Variants in CERS3 observed in about 807,000 individuals in gnomAD.
CERS3 encodes the protein ceramide synthase 3.
CERS3 carries 33 observed loss-of-function variants against 50.3 expected under a neutral mutation model. The ratio of observed to expected loss-of-function variants is 0.66; its 90% confidence interval spans 0.50 to 0.88. The LOEUF (loss-of-function observed/expected upper bound fraction) is 0.88. CERS3 is among the 40% of genes least tolerant of loss of function. The pLI, the probability that CERS3 is intolerant of heterozygous loss-of-function variation, is 0.00. For synonymous variants in CERS3, 176 were observed against 155.2 expected (o/e 1.13, Z -0.99); for missense variants, 470 against 460.3 (o/e 1.02, Z -0.19).
At position 100,431,987 on chromosome 15, in the gene CERS3, T is replaced by C. The variant is rs79811733; in HGVS notation, c.999+23906A>G. On this transcript the variant is annotated intron_variant, in intron 11 of 11. Coordinates refer to ENST00000679737, the MANE Select transcript of CERS3 (RefSeq NM_001378789.1). ...GGCTTAAGTATAATTACAATCCTCC[T>C]CTGATTCAAACAAAATAATTAGGAC... 5.5e-3 allele frequency among the ~76,000 whole-genome samples: 839 copies of C among 152,274 alleles called. 11 individuals carry two copies. Among genetic ancestry groups the C allele is most frequent in the African/African-American group, 0.019 (802 of 41,554 alleles).
intron 3 of CERS3, among the ~76,000 whole-genome samples, chr15:100,499,096 TG>T (rs2142322105): frequency 6.6e-6 from 1 of 152,312 alleles, no homozygotes; most frequent in South Asian, 2.1e-4. Flanking sequence ...CATGACCTTA[TG>T]TTGCTGGGGT....
chr15:100,406,805 T>C (rs914751677), intron 11 of CERS3, among the ~76,000 whole-genome samples: 1 of 152,108 alleles, frequency 6.6e-6, no homozygotes. Context: ...ACGCTGCTGA[T>C]AAAGACATAC....
Position 100,472,993 on chromosome 15 carries a change from C to A in CERS3, c.669G>T (p.Trp223Cys). 1 of 1,613,814 alleles carries A rather than the reference C, an allele frequency of 6.2e-7. No individual in the cohort carries two copies. The highest frequency in any genetic ancestry group is 1.1e-5 in the South Asian group (1 of 91,066). The change falls in exon 9 of 12, where the codon TGG becomes TGT. Residue 223 changes from tryptophan to cysteine, a missense_variant. Trp to Cys is a radical substitution (Grantham distance 215). Coordinates refer to ENST00000679737, the MANE Select transcript of CERS3 (RefSeq NM_001378789.1). ...LAAISLMSFS[W>C]CANYIRSGTL... is the part of the protein sequence containing the mutation. ...TCCCACTGCGAATATAATTAGCACACCAAGAGAAGCTCATCAGACTAATAG... is the reference window on the plus strand; with the variant it reads ...TCCCACTGCGAATATAATTAGCACAACAAGAGAAGCTCATCAGACTAATAG...
rs1404574749 is a variant in CERS3, at chr15:100,402,807, T to G, written c.1058A>C (p.Glu353Ala). 1.9e-6 allele frequency: 3 copies of G among 1,612,140 alleles called. No homozygotes were observed. The South Asian group carries it at 3.3e-5, about 18-fold the overall frequency. ...EDYEEEEEEEEEEATKGKEMD... is the reference protein window; with the variant it reads ...EDYEEEEEEEAEEATKGKEMD... The stretch of plus-strand genomic sequence containing the variant: ...CTCTTTGCCTTTGGTAGCCTCTTCT[T>G]CTTCCTCTTCCTCTTCCTCTTCATA... Residue 353 changes from glutamate to alanine, a missense_variant, in exon 12 of 12, where the codon GAA becomes GCA. By Grantham distance (107) the Glu-to-Ala change is moderately radical. Coordinates refer to ENST00000679737, the MANE Select transcript of CERS3 (RefSeq NM_001378789.1).
intron 5 of CERS3, among the ~76,000 whole-genome samples, chr15:100,480,259 A>G (rs968038301): frequency 1.3e-5 from 2 of 152,220 alleles, no homozygotes; most frequent in African/African-American, 4.8e-5. Context: ...CTGTAAAATG[A>G]GAATAAGAAC....
At chr15:100,492,397 A>G (rs531217074) in intron 3 of CERS3, among the ~76,000 whole-genome samples, 1 of 152,308 alleles carries the variant, frequency 6.6e-6, no homozygotes, top group Admixed American at 6.5e-5. Flanking sequence ...CTAAGTGTGT[A>G]TATGTTTACA....
chr15:100,486,453 G>A lies in CERS3; in HGVS notation c.289-1785C>T, dbSNP rs190967636. Among the ~76,000 whole-genome samples, 346 of 152,326 alleles carry A rather than the reference G, an allele frequency of 2.3e-3. 1 individual carries two copies. Among genetic ancestry groups the A allele is most frequent in the African/African-American group, 7.9e-3 (330 of 41,572 alleles). On this transcript the variant is annotated intron_variant, in intron 4 of 11. Coordinates refer to ENST00000679737, the MANE Select transcript of CERS3 (RefSeq NM_001378789.1). The stretch of plus-strand genomic sequence containing the variant: ...TACCCACCTCCGAGGGATGATTTGA[G>A]GACCAAGGGATTAGAATGTGCTAAT...
intron 5 of CERS3, 133 bp from the exon 6 acceptor site, chr15:100,480,179 T>C (rs2035255692): frequency 1.5e-6 from 1 of 678,198 alleles, no homozygotes; most frequent in African/African-American, 1.8e-5. Context: ...CTATCCTGGC[T>C]CTGCCCCACT....
intron 10 of CERS3, among the ~76,000 whole-genome samples, chr15:100,462,779 T>C (rs1252572355): frequency 6.6e-6 from 1 of 152,160 alleles, no homozygotes; most frequent in Non-Finnish European, 1.5e-5. Flanking sequence ...AAGCAACTGT[T>C]CCAGATGAAT....
intron 1 of CERS3, among the ~76,000 whole-genome samples, chr15:100,521,996 A>G (rs1161341680): frequency 6.6e-6 from 1 of 151,978 alleles, no homozygotes; most frequent in Non-Finnish European, 1.5e-5. Context: ...CTTCACTCAG[A>G]AACTCAGAAG....
At position 100,469,434 on chromosome 15, in the gene CERS3, C is replaced by A. The variant is rs1352590011; in HGVS notation, c.789G>T (p.Leu263=). 6.2e-7 allele frequency: 1 copy of A among 1,614,050 alleles called. No individual in the cohort carries two copies. Among genetic ancestry groups the A allele is most frequent in the East Asian group, 2.2e-5 (1 of 44,886 alleles). The change falls in exon 10 of 12, where the codon CTG becomes CTT. Residue 263 remains leucine (L), a synonymous_variant. Transcript: ENST00000679737. ...AAAATATGGTGGAGAAGATGAAAAACAGGGTGTTACAGGTCTGCGTCCATC... is the reference window on the plus strand; with the variant it reads ...AAAATATGGTGGAGAAGATGAAAAAAAGGGTGTTACAGGTCTGCGTCCATC... ...YAGWTQTCNT[L]FFIFSTIFFI... is the part of the protein sequence containing the mutation.
In CERS3 at chr15:100,455,978, T is replaced by C. The variant is rs114830030; in HGVS notation, c.914A>G (p.Asn305Ser). The change falls in exon 11 of 12, where the codon AAC becomes AGC. Residue 305 changes from asparagine (N) to serine (S), a missense_variant. Transcript: ENST00000679737. The stretch of plus-strand genomic sequence containing the variant: ...GACCTGCAAGATCATGAGCTGTAGG[T>C]TGAGGAAGATGTATGAAAAGAAAGG... ...LEPFFSYIFL[N>S]LQLMILQVLH... 5 of 1,613,284 alleles carry C rather than the reference T, an allele frequency of 3.1e-6. No individual in the cohort carries two copies. Among genetic ancestry groups the C allele is most frequent in the Non-Finnish European group, 4.2e-6 (5 of 1,179,516 alleles).
At chr15:100,443,765 G>T (rs1225347820) in intron 11 of CERS3, among the ~76,000 whole-genome samples, 1 of 151,756 alleles carries the variant, frequency 6.6e-6, no homozygotes, top group East Asian at 1.9e-4. Context: ...CCTGCCGATA[G>T]TGTCCGACTG....
chr15:100,505,336 A>G (rs560189926), intron 2 of CERS3, among the ~76,000 whole-genome samples: 4 of 152,350 alleles, frequency 2.6e-5, no homozygotes, highest in Non-Finnish European at 5.9e-5. Context: ...AGGGGTTACC[A>G]CTCTAAACAA....
intron 4 of CERS3, among the ~76,000 whole-genome samples, chr15:100,485,198 C>T (rs1457158038): frequency 6.6e-6 from 1 of 152,182 alleles, no homozygotes; most frequent in Non-Finnish European, 1.5e-5. Context: ...AAAACTCCAA[C>T]CAGTGTTAGC....
chr15:100,494,044 T>A (rs1476097487), intron 3 of CERS3, among the ~76,000 whole-genome samples: 4 of 151,692 alleles, frequency 2.6e-5, no homozygotes, highest in African/African-American at 9.7e-5. Flanking sequence ...GTATAGTGCA[T>A]AATTTTTTGT....
At chr15:100,447,691 G>A (rs1338097300) in intron 11 of CERS3, among the ~76,000 whole-genome samples, 1 of 152,104 alleles carries the variant, frequency 6.6e-6, no homozygotes, top group African/African-American at 2.4e-5. Flanking sequence ...ACATTTCCTG[G>A]TCCCTTGAGT....
In CERS3 at chr15:100,450,045, G is replaced by A. The variant is rs116296684; in HGVS notation, c.999+5848C>T. 2.4e-3 allele frequency among the ~76,000 whole-genome samples: 365 copies of A among 151,712 alleles called. 5 individuals are homozygous for A. The highest frequency in any genetic ancestry group is 7.8e-3 in the African/African-American group (321 of 41,358). On this transcript the variant is annotated intron_variant, in intron 11 of 11. Transcript: ENST00000679737. ...GAGGTTTACCAAAGAGATAGAGATCGTAAAAAAAAGAACCAAACAGAAATT... is the reference window on the plus strand; with the variant it reads ...GAGGTTTACCAAAGAGATAGAGATCATAAAAAAAAGAACCAAACAGAAATT...
At chr15:100,467,813 ATATATATG>A (rs1384366861) in intron 10 of CERS3, among the ~76,000 whole-genome samples, 16 of 92,474 alleles carry the variant, frequency 1.7e-4, no homozygotes, top group Admixed American at 3.9e-4. Flanking sequence ...ATATACGTCT[ATATATATG>A]TGTATATATA....
Sources: gnomAD v4.1 joint callset for allele counts (sites outside exome capture counted in the v4.1 genomes callset) on GRCh38, gnomAD v4.1.1 for gene constraint, MANE v1.5 for transcripts, NCBI Gene and HGNC (gene_info 2026-07-23, HGNC 2026-07-21) for gene names.